Variants in BICD1 observed in about 807,000 individuals in gnomAD.
BICD1 encodes BICD cargo adaptor 1.
In BICD1, 35 loss-of-function variants were observed where a neutral mutation model predicts 92.5. The ratio of observed to expected loss-of-function variants is 0.38; its 90% CI spans 0.29 to 0.50. The LOEUF (loss-of-function observed/expected upper bound fraction) is 0.50, where lower values mean the gene tolerates loss of function less well. BICD1 is among the 20% of genes least tolerant of loss of function. The probability of loss-of-function intolerance (pLI) is 0.93; values close to 1 mark genes in which losing one functional copy is unlikely to be tolerated. For missense variants in BICD1, 950 were observed against 1,189.8 expected, an observed-to-expected ratio of 0.80 and a Z score of 2.97; for synonymous variants, 429 against 465.1, an observed-to-expected ratio of 0.92 and a Z score of 1.00.
intron 1 of BICD1, among the ~76,000 whole-genome samples, chr12:32,173,300 TC>T (rs1177362056): frequency 6.6e-6 from 1 of 152,132 alleles, no homozygotes; most frequent in Admixed American, 6.5e-5. Flanking sequence ...TCCGCCCGCC[TC>T]GGCCTCCCAA....
intron 1 of BICD1, among the ~76,000 whole-genome samples, chr12:32,212,505 A>G (rs1251500033): frequency 3.3e-5 from 5 of 152,190 alleles, no homozygotes; most frequent in African/African-American, 9.6e-5. Flanking sequence ...GCTCACTGCA[A>G]CCTCCATCTC....
At chr12:32,216,498 G>A (rs199882464) in intron 2 of BICD1, 39 bp downstream of exon 2, 16 of 1,590,204 alleles carry the variant, frequency 1.0e-5, no homozygotes, top group Non-Finnish European at 1.3e-5. Context: ...TTGTGAGAGG[G>A]AGAAATAAGA....
At chr12:32,219,185 A>T (rs1565595492) in intron 2 of BICD1, among the ~76,000 whole-genome samples, 1 of 152,176 alleles carries the variant, frequency 6.6e-6, no homozygotes, top group Non-Finnish European at 1.5e-5. Flanking sequence ...GTCTCTAAGA[A>T]CTTAATTAAT....
chr12:32,377,560 A>T lies in BICD1; in HGVS notation c.2861A>T (p.Glu954Val). 8 of 1,614,062 alleles carry T rather than the reference A, an allele frequency of 5.0e-6. No homozygotes were observed. Among genetic ancestry groups the T allele is most frequent in the Non-Finnish European group, 5.9e-6 (7 of 1,180,000 alleles). The change falls in exon 10 of 10, where the codon GAG (glutamate) becomes GTG (valine). Residue 954 changes from glutamate to valine, a missense_variant. This residue lies in a region of BICD1 where 179 missense variants were observed against 186.7 expected (regional missense o/e 0.96). Transcript: ENST00000652176. The part of the protein sequence containing the change: ...PTVSPDTALP[E>V]EQPHSSSQCA... The stretch of plus-strand genomic sequence containing the variant: ...TCCAGTCCTGACACAGCTCTCCCTG[A>T]GGAGCAGCCACATTCCAGCTCCCAG...
intron 2 of BICD1, among the ~76,000 whole-genome samples, chr12:32,279,632 C>G (rs1249030084): frequency 6.6e-6 from 1 of 152,170 alleles, no homozygotes; most frequent in African/African-American, 2.4e-5. Flanking sequence ...ATGCTGCTGT[C>G]AAGGTTTTGC....
intron 1 of BICD1, among the ~76,000 whole-genome samples, chr12:32,215,953 CAAAAA>C (rs56005523): frequency 1.5e-5 from 1 of 67,902 alleles, no homozygotes; most frequent in South Asian, 7.0e-4. Context: ...GACTCCGTCT[CAAAAA>C]AAAAAAAAAA....
At chr12:32,142,018 A>G (rs1443028021) in intron 1 of BICD1, among the ~76,000 whole-genome samples, 1 of 152,162 alleles carries the variant, frequency 6.6e-6, no homozygotes, top group Non-Finnish European at 1.5e-5. Context: ...ATTTTGCTGA[A>G]CAAAACAGGA....
At chr12:32,240,546 A>C (rs1008666932) in intron 2 of BICD1, among the ~76,000 whole-genome samples, 2 of 152,144 alleles carry the variant, frequency 1.3e-5, no homozygotes, top group Non-Finnish European at 2.9e-5. Context: ...CCTGCCTCTC[A>C]TGAGGACAGT....
chr12:32,216,611 G>C (rs1197028498), intron 2 of BICD1, 152 bp downstream of exon 2: 1 of 730,164 alleles, frequency 1.4e-6, no homozygotes, highest in East Asian at 2.7e-5. Flanking sequence ...TTCTTTTTTA[G>C]TGAAATGATA....
At chr12:32,108,179 G>GAA (rs909390083) in intron 1 of BICD1, 7 of 194,960 alleles carry the variant, frequency 3.6e-5, no homozygotes, top group Non-Finnish European at 7.5e-5. Flanking sequence ...CAAGTCTTAT[G>GAA]AGGTCACCCT....
intron 1 of BICD1, among the ~76,000 whole-genome samples, chr12:32,175,095 G>A (rs936025627): frequency 6.6e-6 from 1 of 152,016 alleles, no homozygotes; most frequent in Non-Finnish European, 1.5e-5. Flanking sequence ...TTATTTGCAA[G>A]CATTTATTAG....
chr12:32,204,493 A>C (rs1377111343), intron 1 of BICD1, among the ~76,000 whole-genome samples: 4 of 152,184 alleles, frequency 2.6e-5, no homozygotes, highest in African/African-American at 7.2e-5. Context: ...AGTCTTAACA[A>C]ACAACCCTAA....
At chr12:32,290,589 A>T (rs1947699934) in intron 2 of BICD1, among the ~76,000 whole-genome samples, 1 of 152,150 alleles carries the variant, frequency 6.6e-6, no homozygotes, top group Non-Finnish European at 1.5e-5. Flanking sequence ...TGCCCAGCCC[A>T]GCCTTAGCAA....
intron 9 of BICD1, among the ~76,000 whole-genome samples, chr12:32,371,805 C>G (rs1939749544): frequency 6.6e-6 from 1 of 152,272 alleles, no homozygotes; most frequent in South Asian, 2.1e-4. Context: ...CCAGGCTGCC[C>G]TTGAACTCCT....
rs570416378 is a variant in BICD1, at chr12:32,273,362, T to C, written c.427-20632T>C. Among the ~76,000 whole-genome samples, 5 of 152,200 alleles carry C rather than the reference T, an allele frequency of 3.3e-5. No homozygotes were observed. The East Asian group carries it at 9.6e-4, about 29-fold the overall frequency. ...AAGGGTATACTGGTAGAGTATAAAC[T>C]GGAGGATAAGGTACAGCGGGAGAAA... On this transcript the variant is annotated intron_variant, in intron 2 of 9. Transcript: ENST00000652176.
At chr12:32,294,664 G>C (rs1947816515) in intron 3 of BICD1, among the ~76,000 whole-genome samples, 1 of 142,804 alleles carries the variant, frequency 7.0e-6, no homozygotes, top group Admixed American at 7.1e-5. Context: ...CTGTAAGCTT[G>C]TCTATGAGCT....
chr12:32,245,717 G>A (rs566942352), intron 2 of BICD1, among the ~76,000 whole-genome samples: 61 of 152,184 alleles, frequency 4.0e-4, no homozygotes, highest in African/African-American at 1.4e-3. Flanking sequence ...TAGGATAAGT[G>A]TCCAATTAAC....
chr12:32,220,004 A>G (rs1945468458), intron 2 of BICD1, among the ~76,000 whole-genome samples: 2 of 152,344 alleles, frequency 1.3e-5, no homozygotes, highest in East Asian at 1.9e-4. Context: ...AGGATTCCCT[A>G]TTTAATAAAT....
At chr12:32,181,059 ATTAAC>A (rs1273792455) in intron 1 of BICD1, among the ~76,000 whole-genome samples, 2 of 151,902 alleles carry the variant, frequency 1.3e-5, no homozygotes, top group East Asian at 1.9e-4. Flanking sequence ...AGAACCAGAA[ATTAAC>A]TTAAGAATGT....
Sources: gnomAD v4.1 joint callset for allele counts (sites outside exome capture counted in the v4.1 genomes callset) on GRCh38, gnomAD v4.1.1 for gene constraint, gnomAD v4.1.1 regional missense constraint, MANE v1.5 for transcripts, NCBI Gene and HGNC (gene_info 2026-07-23, HGNC 2026-07-21) for gene names.